RCOR1: variants seen among roughly 807,000 people sequenced by gnomAD.
The protein encoded by RCOR1 is REST corepressor 1.
In RCOR1, 12 loss-of-function variants were observed where a neutral mutation model predicts 64.0. That is an observed-to-expected ratio of 0.19 (90% CI 0.12 to 0.30). RCOR1 has a LOEUF of 0.30. Ranked by LOEUF, RCOR1 falls within the 10% of genes least tolerant of loss-of-function variation. The pLI is 1.00. For synonymous variants in RCOR1, 279 were observed against 227.2 expected, an observed-to-expected ratio of 1.23 and a Z score of -2.05; for missense variants, 502 against 621.2, an observed-to-expected ratio of 0.81 and a Z score of 2.04.
At chr14:102,702,799 G>T (rs1247528244) in intron 4 of RCOR1, among the ~76,000 whole-genome samples, 3 of 152,112 alleles carry the variant, frequency 2.0e-5, no homozygotes, top group African/African-American at 7.2e-5. Context: ...AGATGTCCAG[G>T]TTTTAACAGA....
intron 3 of RCOR1, among the ~76,000 whole-genome samples, chr14:102,699,028 A>C (rs577335451): frequency 6.6e-6 from 1 of 152,256 alleles, no homozygotes; most frequent in East Asian, 1.9e-4. Context: ...CTGGAACTAC[A>C]GGCATGCGCC....
At chr14:102,676,836 G>A (rs1895176528) in intron 2 of RCOR1, among the ~76,000 whole-genome samples, 2 of 95,998 alleles carry the variant, frequency 2.1e-5, no homozygotes, top group Admixed American at 1.7e-4. Context: ...TCCCGGACGG[G>A]GCGGCTGGCC....
At chr14:102,633,446 G>A (rs1894168762) in intron 2 of RCOR1, among the ~76,000 whole-genome samples, 1 of 152,014 alleles carries the variant, frequency 6.6e-6, no homozygotes, top group African/African-American at 2.4e-5. Context: ...GTCCCTCCTT[G>A]GCCTCTTAAA....
intron 2 of RCOR1, among the ~76,000 whole-genome samples, chr14:102,676,931 G>A (rs1386905228): frequency 2.9e-4 from 28 of 95,150 alleles, no homozygotes; most frequent in African/African-American, 1.2e-3. Context: ...CCTCCCGGAC[G>A]GGGCGGCTGG....
intron 2 of RCOR1, among the ~76,000 whole-genome samples, chr14:102,629,636 C>CT (rs1171612625): frequency 6.6e-6 from 1 of 152,114 alleles, no homozygotes; most frequent in Non-Finnish European, 1.5e-5. Flanking sequence ...CAAAGAATAC[C>CT]TTTATTGCTC....
chr14:102,710,729 T>C (rs1895939270), intron 6 of RCOR1: 1 of 536,908 alleles, frequency 1.9e-6, no homozygotes, highest in African/African-American at 2.0e-5. Context: ...TCACTTAGAC[T>C]GAAAGAACTA....
chr14:102,627,969 G>T (rs1361706560), intron 2 of RCOR1, among the ~76,000 whole-genome samples: 2 of 151,530 alleles, frequency 1.3e-5, no homozygotes, highest in Non-Finnish European at 2.9e-5. Flanking sequence ...GGGTGTGTGT[G>T]TGTGTGTGTG....
intron 3 of RCOR1, among the ~76,000 whole-genome samples, chr14:102,694,264 T>A (rs1895598850): frequency 1.3e-5 from 2 of 152,060 alleles, no homozygotes; most frequent in Non-Finnish European, 2.9e-5. Flanking sequence ...CTTTAAAAAA[T>A]TTATTTTTTT....
chr14:102,642,436 A>G (rs1894387953), intron 2 of RCOR1, among the ~76,000 whole-genome samples: 1 of 152,174 alleles, frequency 6.6e-6, no homozygotes, highest in African/African-American at 2.4e-5. Flanking sequence ...ATTTGTTAAG[A>G]GTGATAATAT....
At chr14:102,693,758 T>C (rs1895587433) in intron 3 of RCOR1, among the ~76,000 whole-genome samples, 1 of 152,252 alleles carries the variant, frequency 6.6e-6, no homozygotes, top group Non-Finnish European at 1.5e-5. Flanking sequence ...AGGGTCCCCT[T>C]CTTTGTTTGG....
intron 9 of RCOR1, 63 bp downstream of exon 9, chr14:102,721,147 TATCGGTGTGATAC>T: frequency 3.5e-6 from 4 of 1,137,764 alleles, no homozygotes; most frequent in Non-Finnish European, 5.2e-6. Context: ...AAGAATTTAA[TATCGGTGTGATAC>T]ATCCCCAGTA....
chr14:102,657,312 G>C, intron 2 of RCOR1: 1 of 985,254 alleles, frequency 1.0e-6, no homozygotes, highest in Non-Finnish European at 1.2e-6. Flanking sequence ...ATGTCCTCAT[G>C]TTCAAGGAGT....
At chr14:102,621,216 C>T (rs1419831099) in intron 2 of RCOR1, among the ~76,000 whole-genome samples, 1 of 151,330 alleles carries the variant, frequency 6.6e-6, no homozygotes, top group Non-Finnish European at 1.5e-5. Context: ...AAGTGATCCT[C>T]TCACCTTGGC....
intron 2 of RCOR1, chr14:102,658,553 CT>C (rs1335837257): frequency 2.0e-6 from 2 of 985,192 alleles, no homozygotes; most frequent in Non-Finnish European, 2.4e-6. Flanking sequence ...GAATGTGACT[CT>C]TTTCTCAGGA....
At chr14:102,651,706 G>GTTAT (rs963023471) in intron 2 of RCOR1, among the ~76,000 whole-genome samples, 18 of 152,124 alleles carry the variant, frequency 1.2e-4, no homozygotes, top group Non-Finnish European at 2.4e-4. Context: ...AAATAAATGG[G>GTTAT]TTATTTATTT....
At chr14:102,718,143 C>T (rs1225457731) in intron 8 of RCOR1, among the ~76,000 whole-genome samples, 1 of 152,222 alleles carries the variant, frequency 6.6e-6, no homozygotes, top group Non-Finnish European at 1.5e-5. Flanking sequence ...CAGTCATGCT[C>T]TCAGGGACCC....
chr14:102,717,414 C>CT (rs1400212419), intron 8 of RCOR1, among the ~76,000 whole-genome samples: 1 of 152,248 alleles, frequency 6.6e-6, no homozygotes, highest in African/African-American at 2.4e-5. Context: ...CAAGCACACT[C>CT]TGTGTGCTCA....
chr14:102,603,545 G>T (rs1893444682), intron 2 of RCOR1, among the ~76,000 whole-genome samples: 1 of 151,994 alleles, frequency 6.6e-6, no homozygotes, highest in Non-Finnish European at 1.5e-5. Context: ...CTTAACCCTG[G>T]CCCAGGGGTG....
At chr14:102,632,792 CTCTCTCG>C (rs756158759) in intron 2 of RCOR1, among the ~76,000 whole-genome samples, 1 of 98,240 alleles carries the variant, frequency 1.0e-5, no homozygotes, top group African/African-American at 4.0e-5. Flanking sequence ...CTCCTCTCTC[CTCTCTCG>C]TCTCTCCTCT....
Sources: gnomAD v4.1 joint callset for allele counts (sites outside exome capture counted in the v4.1 genomes callset) on GRCh38, gnomAD v4.1.1 for gene constraint, MANE v1.5 for transcripts, NCBI Gene and HGNC (gene_info 2026-07-23, HGNC 2026-07-21) for gene names.